SANBR: variants seen among roughly 807,000 people sequenced by gnomAD.
The protein encoded by SANBR is SANT and BTB domain regulator of class switch recombination.
Under a neutral mutation model 101.8 loss-of-function variants are expected in SANBR, and 77 were observed. The ratio of observed to expected loss-of-function variants is 0.76; its 90% CI spans 0.63 to 0.91. The LOEUF is 0.91. Among genes scored for constraint, SANBR ranks in the 40% least tolerant of loss-of-function variants. The probability of loss-of-function intolerance (pLI) is 0.00; values close to 1 mark genes in which losing one functional copy is unlikely to be tolerated. For missense variants in SANBR, 875 were observed against 853.0 expected, an observed-to-expected ratio of 1.03 and a Z score of -0.32; for synonymous variants, 279 against 274.7, an observed-to-expected ratio of 1.02 and a Z score of -0.15.
intron 21 of SANBR, 51 bp from the exon 22 acceptor site, chr2:61,122,075 C>T: frequency 6.5e-7 from 1 of 1,537,094 alleles, no homozygotes. Flanking sequence ...GCACCAACTT[C>T]CTATTGTTTT....
chr2:61,087,580 A>G (rs899569761), intron 8 of SANBR, among the ~76,000 whole-genome samples: 2 of 151,996 alleles, frequency 1.3e-5, no homozygotes, highest in Non-Finnish European at 2.9e-5. Context: ...GGCCGGGTGC[A>G]GTGGCTCACG....
chr2:61,126,310 C>G (rs1346139496), downstream of SANBR, among the ~76,000 whole-genome samples: 1 of 152,212 alleles, frequency 6.6e-6, no homozygotes, highest in Non-Finnish European at 1.5e-5. Context: ...CCATTTGCTT[C>G]TATCTCCACT....
At chr2:61,121,058 C>T in intron 20 of SANBR, 127 bp from the exon 21 acceptor site, 1 of 673,814 alleles carries the variant, frequency 1.5e-6, no homozygotes, top group Non-Finnish European at 2.4e-6. Flanking sequence ...GTAAATTAAA[C>T]CTCAAAAAGA....
In SANBR at chr2:61,107,455, C is replaced by A. The variant is rs1166551799; in HGVS notation, c.1611+793C>A. 2.0e-5 allele frequency among the ~76,000 whole-genome samples: 3 copies of A among 152,092 alleles called. No homozygotes were observed. In the East Asian group the frequency reaches 5.8e-4, roughly 29 times the overall value. On this transcript the variant is annotated intron_variant, in intron 14 of 21. Transcript: ENST00000402291. ...TTAAAGTGACCAGAAAACTTGATTC[C>A]TTTGACTCCTTTTTATTCCTTTGCC... is the stretch of plus-strand genomic sequence containing the variant.
chr2:61,122,586 T>G lies in SANBR; in HGVS notation c.*424T>G, dbSNP rs557804282. 1.0e-6 allele frequency: 1 copy of G among 989,088 alleles called. No individual in the cohort carries two copies. Among genetic ancestry groups the G allele is most frequent in the East Asian group, 1.1e-4 (1 of 9,114 alleles). 61.3% of individuals were successfully genotyped at this position (989,088 alleles called of 1,614,324 possible). A position where few individuals can be genotyped will look rare whatever the true frequency, so the allele number is the denominator to read the frequency against. On this transcript the variant is annotated 3_prime_UTR_variant, in exon 22 of 22. Transcript: ENST00000402291. ...GTCTTTGGAGCTGTAAATCTTGAGA[T>G]AGCATTGAGAACTGCAGGTTGTGTG...
intron 10 of SANBR, chr2:61,088,757 G>C: frequency 1.9e-6 from 1 of 519,700 alleles, no homozygotes; most frequent in Non-Finnish European, 2.5e-6. Flanking sequence ...CTGACCTCAT[G>C]ATTTGCCCGC....
At chr2:61,128,445 A>G (rs1267034660), downstream of SANBR, among the ~76,000 whole-genome samples, 1 of 152,050 alleles carries the variant, frequency 6.6e-6, no homozygotes, top group Non-Finnish European at 1.5e-5. Context: ...GCTTGAGGCT[A>G]AGAGTTCAAG....
At chr2:61,109,882 A>T (rs1275612465) in intron 16 of SANBR, among the ~76,000 whole-genome samples, 1 of 151,800 alleles carries the variant, frequency 6.6e-6, no homozygotes, top group Non-Finnish European at 1.5e-5. Flanking sequence ...TGAACTCCTG[A>T]CCTCAGATGA....
chr2:61,114,911 C>T (rs1684002496), intron 16 of SANBR, among the ~76,000 whole-genome samples: 1 of 152,226 alleles, frequency 6.6e-6, no homozygotes, highest in African/African-American at 2.4e-5. Flanking sequence ...CCTACCTCGG[C>T]CTCCCAAAGT....
intron 8 of SANBR, among the ~76,000 whole-genome samples, chr2:61,087,357 G>T (rs1303569159): frequency 6.6e-6 from 1 of 151,938 alleles, no homozygotes; most frequent in East Asian, 1.9e-4. Flanking sequence ...AGGAGTCTGA[G>T]GCCAGCCTGG....
chr2:61,079,147 A>C (rs924884108), intron 6 of SANBR, among the ~76,000 whole-genome samples: 3 of 152,308 alleles, frequency 2.0e-5, no homozygotes, highest in African/African-American at 7.2e-5. Flanking sequence ...CCTCTATTTT[A>C]ATTTCTAATG....
chr2:61,076,016 C>T (rs138862946), intron 5 of SANBR, among the ~76,000 whole-genome samples: 2,453 of 150,870 alleles, frequency 0.016, 75 homozygotes, highest in African/African-American at 0.056. Context: ...TATTTAGAGA[C>T]GGAGTCTTGC....
At chr2:61,118,354 C>T (rs1020212786) in intron 20 of SANBR, among the ~76,000 whole-genome samples, 2 of 151,458 alleles carry the variant, frequency 1.3e-5, no homozygotes, top group Non-Finnish European at 1.5e-5. Context: ...CAATTCTCCT[C>T]CCTCAGCCTC....
Position 61,116,004 on chromosome 2 carries a change from C to T in SANBR, c.1770C>T (p.Phe590=), listed in dbSNP as rs1684063697. Residue 590 remains phenylalanine, a synonymous_variant, in exon 17 of 22, where the codon TTC becomes TTT. Transcript: ENST00000402291. ...KQRKKEKPKK[F]TRQPKKQVSS... is the part of the protein sequence containing the mutation. ...GGAAAAAGGAGAAGCCAAAGAAGTTCACTAGACAACCAAAAAAGCAGGTAT... is the reference window on the plus strand; with the variant it reads ...GGAAAAAGGAGAAGCCAAAGAAGTTTACTAGACAACCAAAAAAGCAGGTAT... The T allele has an allele frequency of 6.2e-7, 1 of 1,612,134 alleles. No homozygotes were observed. The highest frequency in any genetic ancestry group is 8.5e-7 in the Non-Finnish European group (1 of 1,179,246).
intron 21 of SANBR, among the ~76,000 whole-genome samples, chr2:61,136,813 T>TA (rs1684864688): frequency 6.7e-6 from 1 of 150,212 alleles, no homozygotes; most frequent in South Asian, 2.1e-4. Context: ...CTACTAAAAA[T>TA]AAAAAAAATT....
chr2:61,137,057 T>C (rs1461835182), intron 21 of SANBR, among the ~76,000 whole-genome samples: 1 of 151,560 alleles, frequency 6.6e-6, no homozygotes, highest in East Asian at 1.9e-4. Context: ...GAGACCAAGG[T>C]AGGAAGATCG....
chr2:61,078,757 G>C (rs948056595), intron 6 of SANBR, among the ~76,000 whole-genome samples: 10 of 152,116 alleles, frequency 6.6e-5, no homozygotes. Flanking sequence ...GGTTATTTTA[G>C]GCAGGGCATG....
At chr2:61,081,639 TAA>T in intron 7 of SANBR, 129 bp downstream of exon 7, 1 of 1,043,988 alleles carries the variant, frequency 9.6e-7, no homozygotes, top group Non-Finnish European at 1.3e-6. Context: ...AAAAAATTGT[TAA>T]TTCAGGAATA....
chr2:61,129,529 G>A lies in SANBR; in HGVS notation c.2029-4608G>A, dbSNP rs372632929. Among the ~76,000 whole-genome samples the A allele has an allele frequency of 1.1e-4, 16 of 151,900 alleles. No homozygotes were observed. The East Asian group carries it at 1.9e-3, about 18-fold the overall frequency. ...ACACACACAAAGCATTAGTAAAGACGACATGCATATTTCTTTTCTTAACTA... is the reference window on the plus strand; with the variant it reads ...ACACACACAAAGCATTAGTAAAGACAACATGCATATTTCTTTTCTTAACTA... On this transcript the variant is annotated intron_variant, in intron 20 of 21. Transcript: ENST00000295031.
Sources: allele counts gnomAD v4.1 joint callset (sites outside exome capture counted in the v4.1 genomes callset), GRCh38; gene constraint gnomAD v4.1.1; transcripts MANE v1.5; gene names NCBI Gene and HGNC (gene_info 2026-07-23, HGNC 2026-07-21).